The following ETNK1 variants were observed in gnomAD, a reference collection of about 807,000 sequenced individuals.
ETNK1 encodes ethanolamine kinase 1, also known as putative protein product of Nbla10396.
In ETNK1, 8 loss-of-function variants were observed where a neutral mutation model predicts 45.1. That is an observed-to-expected ratio of 0.18 (90% CI 0.10 to 0.32). The LOEUF (loss-of-function observed/expected upper bound fraction) is 0.32. Ranked by LOEUF, ETNK1 falls within the 10% of genes least tolerant of loss-of-function variation. ETNK1 has a pLI of 1.00. For synonymous variants in ETNK1, 152 were observed against 151.9 expected (o/e 1.00, Z -0.01); for missense variants, 302 against 430.6 (o/e 0.70, Z 2.64).
At chr12:22,663,859 TTCTC>T (rs1222441575) in intron 4 of ETNK1, among the ~76,000 whole-genome samples, 3 of 152,028 alleles carry the variant, frequency 2.0e-5, no homozygotes, top group Non-Finnish European at 4.4e-5. Flanking sequence ...TGTTTTTTTT[TTCTC>T]TCTCCTTACG....
intron 1 of ETNK1, among the ~76,000 whole-genome samples, chr12:22,628,535 T>C (rs1953534169): frequency 6.6e-6 from 1 of 152,160 alleles, no homozygotes; most frequent in Admixed American, 6.5e-5. Context: ...GATTTTTAAT[T>C]TTTATACTTT....
At chr12:22,664,999 A>C (rs188374354) in intron 4 of ETNK1, among the ~76,000 whole-genome samples, 143 of 152,266 alleles carry the variant, frequency 9.4e-4, no homozygotes, top group Non-Finnish European at 1.5e-4. Flanking sequence ...ATGTCTCTAC[A>C]TATATGTTTA....
chr12:22,640,994 A>G (rs1953728741), intron 1 of ETNK1, among the ~76,000 whole-genome samples: 1 of 152,162 alleles, frequency 6.6e-6, no homozygotes, highest in Non-Finnish European at 1.5e-5. Flanking sequence ...TTTTAATAGT[A>G]TATTTTAGAT....
In ETNK1 at chr12:22,661,132, C is replaced by T; in HGVS notation, c.627C>T (p.Ser209=). 2.5e-6 allele frequency: 4 copies of T among 1,612,550 alleles called. No homozygotes were observed. Among genetic ancestry groups the T allele is most frequent in the Non-Finnish European group, 3.4e-6 (4 of 1,179,408 alleles). ...TGACTTGGATGAAGGAGATTCTTTC[C>T]AACCTGGGCTCACCTGTTGTGCTTT... ...EEMTWMKEIL[S]NLGSPVVLCH... Residue 209 remains serine, a synonymous_variant, in exon 4 of 8, where the codon TCC becomes TCT. Coordinates refer to ENST00000266517, the MANE Select transcript of ETNK1 (RefSeq NM_018638.5).
chr12:22,645,853 T>A (rs1376867638), intron 2 of ETNK1, among the ~76,000 whole-genome samples: 4 of 151,866 alleles, frequency 2.6e-5, no homozygotes, highest in Non-Finnish European at 4.4e-5. Context: ...AACCAACTTC[T>A]TTTCATCACC....
rs569373016 is a variant in ETNK1 at position 22,651,186 on chromosome 12, C to T, written c.416+7164C>T. 1.3e-4 allele frequency among the ~76,000 whole-genome samples: 20 copies of T among 152,264 alleles called. 1 individual carries two copies. The highest frequency in any genetic ancestry group is 4.6e-4 in the African/African-American group (19 of 41,558). On this transcript the variant is annotated intron_variant, in intron 2 of 7. Transcript: ENST00000266517. Reference sequence around the variant, plus strand: ...TTTGCAGAGGGCACGGAAGATTGGTCGGACCAGGCGTGCCTTTTGCATAAA... The same window carrying T: ...TTTGCAGAGGGCACGGAAGATTGGTTGGACCAGGCGTGCCTTTTGCATAAA...
rs1954288515 is a variant in ETNK1, at chr12:22,689,777, T to C, written c.*4823T>C. 2 of 152,020 alleles carry C rather than the reference T, an allele frequency of 1.3e-5. No homozygotes were observed. Among genetic ancestry groups the C allele is most frequent in the African/African-American group, 4.8e-5 (2 of 41,442 alleles). The allele number at this position is 152,020 out of a possible 1,614,324, so 9.4% of individuals were successfully genotyped here. On this transcript the variant is annotated 3_prime_UTR_variant, in exon 8 of 8. Coordinates refer to ENST00000266517, the MANE Select transcript of ETNK1 (RefSeq NM_018638.5). Reference sequence around the variant, plus strand: ...TTTACTTGCTGTGGTTGTGGTGTGCTGCTACTTAATTATAGGTAGTGACAC... The same window carrying C: ...TTTACTTGCTGTGGTTGTGGTGTGCCGCTACTTAATTATAGGTAGTGACAC...
In ETNK1 at chr12:22,653,678, C is replaced by T. The variant is rs190938183; in HGVS notation, c.417-5336C>T. The stretch of plus-strand genomic sequence containing the variant: ...GTTCATTGTTAGTGTAAAAGTGCAA[C>T]TGATTTTTGCGTATTGATTTTCTGT... On this transcript the variant is annotated intron_variant, in intron 2 of 7. Coordinates refer to ENST00000266517, the MANE Select transcript of ETNK1 (RefSeq NM_018638.5). 1.3e-4 allele frequency among the ~76,000 whole-genome samples: 20 copies of T among 152,178 alleles called. No homozygotes were observed. In the East Asian group the frequency reaches 3.3e-3, roughly 25 times the overall value.
chr12:22,643,886 G>A lies in ETNK1; in HGVS notation c.280G>A (p.Val94Ile), dbSNP rs1414568335. The A allele has an allele frequency of 9.9e-6, 16 of 1,613,392 alleles. No individual in the cohort carries two copies. Among genetic ancestry groups the A allele is most frequent in the Non-Finnish European group, 1.4e-5 (16 of 1,179,560 alleles). Reference sequence around the variant, plus strand: ...GTTATTAGTCGATCGAGATGAGGAAGTAAAGAGTTTTCGAGTGTTGCAGGC... The same window carrying A: ...GTTATTAGTCGATCGAGATGAGGAAATAAAGAGTTTTCGAGTGTTGCAGGC... The part of the protein sequence containing the change: ...TELLVDRDEE[V>I]KSFRVLQAHG... Residue 94 changes from valine (V) to isoleucine (I), a missense_variant, in exon 2 of 8, where the codon GTA (valine) becomes ATA (isoleucine). By Grantham distance (29) the Val-to-Ile change is conservative. Coordinates refer to ENST00000266517, the MANE Select transcript of ETNK1 (RefSeq NM_018638.5).
At chr12:22,673,413 G>GA in intron 5 of ETNK1, 87 bp from the exon 6 acceptor site, 1 of 1,001,768 alleles carries the variant, frequency 1.0e-6, no homozygotes, top group East Asian at 2.5e-5. Context: ...CATTTTTTAT[G>GA]AAAAAATGGT....
intron 4 of ETNK1, among the ~76,000 whole-genome samples, chr12:22,662,194 A>T (rs1374008078): frequency 1.3e-5 from 2 of 149,116 alleles, no homozygotes; most frequent in Non-Finnish European, 3.0e-5. Flanking sequence ...CAGCCTCCTG[A>T]ATAGTTGGGA....
chr12:22,647,487 G>A (rs543717033), intron 2 of ETNK1, among the ~76,000 whole-genome samples: 18 of 151,904 alleles, frequency 1.2e-4, no homozygotes, highest in African/African-American at 3.9e-4. Flanking sequence ...CTTATATTCA[G>A]ATATAACTAA....
chr12:22,680,856 CAG>C (rs1162317533), intron 6 of ETNK1, among the ~76,000 whole-genome samples: 7 of 133,852 alleles, frequency 5.2e-5, no homozygotes, highest in African/African-American at 1.6e-4. Flanking sequence ...TAAAACCAAA[CAG>C]AGTATACGTA....
intron 4 of ETNK1, among the ~76,000 whole-genome samples, chr12:22,666,488 A>G (rs1215056164): frequency 6.6e-6 from 1 of 152,182 alleles, no homozygotes; most frequent in African/African-American, 2.4e-5. Context: ...AACTACTGAC[A>G]TCAAGAAATT....
intron 1 of ETNK1, among the ~76,000 whole-genome samples, chr12:22,635,958 GTTTGAT>G (rs1452949747): frequency 6.6e-6 from 1 of 152,098 alleles, no homozygotes; most frequent in Non-Finnish European, 1.5e-5. Flanking sequence ...TGGGCAGACT[GTTTGAT>G]TCCAGGAATT....
rs750817176 is a variant in ETNK1 at position 22,661,094 on chromosome 12, C to A, written c.589C>A (p.Leu197Ile). 1.2e-6 allele frequency: 2 copies of A among 1,612,174 alleles called. No individual in the cohort carries two copies. Among genetic ancestry groups the A allele is most frequent in the Non-Finnish European group, 1.7e-6 (2 of 1,179,318 alleles). ...AAGTGATATCCCAAGCTCTCAGATT[C>A]TCCAGGAAGAGATGACTTGGATGAA... Reference protein sequence around the residue: ...FLSDIPSSQILQEEMTWMKEI... With the variant: ...FLSDIPSSQIIQEEMTWMKEI... Residue 197 changes from leucine (L) to isoleucine (I), a missense_variant, in exon 4 of 8, where the codon CTC becomes ATC. Leu to Ile is a conservative substitution (Grantham distance 5). This residue lies in a region of ETNK1 where 205 missense variants were observed against 259.9 expected (regional missense o/e 0.79). Transcript: ENST00000266517.
intron 1 of ETNK1, among the ~76,000 whole-genome samples, chr12:22,632,837 G>A (rs11046505): frequency 0.23 from 35,268 of 151,990 alleles, 4,932 homozygotes; most frequent in Non-Finnish European, 0.32. Context: ...TTATTTAATG[G>A]CATCATATGA....
Position 22,686,761 on chromosome 12 carries a change from A to G in ETNK1, c.*1807A>G, listed in dbSNP as rs1954263244. 1.3e-5 allele frequency: 2 copies of G among 150,314 alleles called. No homozygotes were observed. The highest frequency in any genetic ancestry group is 3.0e-5 in the Non-Finnish European group (2 of 67,232). 9.3% of individuals were successfully genotyped at this position (150,314 alleles called of 1,614,324 possible). ...ACAACTAGTAGCTTTTTATAATGTTAGTGTGAACTTGAAAAATTGTTTTTG... is the reference window on the plus strand; with the variant it reads ...ACAACTAGTAGCTTTTTATAATGTTGGTGTGAACTTGAAAAATTGTTTTTG... On this transcript the variant is annotated 3_prime_UTR_variant, in exon 8 of 8. Coordinates refer to ENST00000266517, the MANE Select transcript of ETNK1 (RefSeq NM_018638.5).
intron 4 of ETNK1, among the ~76,000 whole-genome samples, chr12:22,664,115 A>G (rs1954032533): frequency 6.6e-6 from 1 of 151,934 alleles, no homozygotes; most frequent in African/African-American, 2.4e-5. Context: ...AGTGTTTACT[A>G]TAAGTAGAAG....
Sources: gnomAD v4.1 joint callset for allele counts (sites outside exome capture counted in the v4.1 genomes callset) on GRCh38, gnomAD v4.1.1 for gene constraint, gnomAD v4.1.1 regional missense constraint, MANE v1.5 for transcripts, NCBI Gene and HGNC (gene_info 2026-07-23, HGNC 2026-07-21) for gene names.